GLYATL2: variants seen among roughly 807,000 people sequenced by gnomAD.
GLYATL2 encodes glycine N-acyltransferase-like protein 2.
Under a neutral mutation model 21.4 loss-of-function variants are expected in GLYATL2, and 25 were observed. The ratio of observed to expected loss-of-function variants is 1.17; its 90% confidence interval spans 0.85 to 1.63. The LOEUF is 1.63. Ranked by LOEUF, GLYATL2 falls within the 40% of genes most tolerant of loss-of-function variation. The pLI is 0.00. For missense variants in GLYATL2, 361 were observed against 343.3 expected, an observed-to-expected ratio of 1.05 and a Z score of -0.41; for synonymous variants, 114 against 118.2, an observed-to-expected ratio of 0.96 and a Z score of 0.23.
At chr11:58,880,376 G>A (rs1854311840) in intron 1 of GLYATL2, among the ~76,000 whole-genome samples, 1 of 152,172 alleles carries the variant, frequency 6.6e-6, no homozygotes, top group Non-Finnish European at 1.5e-5. Flanking sequence ...GTAGGGAATG[G>A]ATAGGAGAGG....
At chr11:58,878,276 T>C (rs1247661671) in intron 1 of GLYATL2, 5 of 447,048 alleles carry the variant, frequency 1.1e-5, no homozygotes, top group Non-Finnish European at 2.0e-5. Context: ...AGAAGCAGGA[T>C]CTGAAGTGGA....
intron 1 of GLYATL2, among the ~76,000 whole-genome samples, chr11:58,896,029 T>A (rs187124652): frequency 1.3e-3 from 195 of 152,266 alleles, no homozygotes; most frequent in African/African-American, 4.2e-3. Context: ...ATTTGTTTCA[T>A]ATTTTTTTAG....
intron 1 of GLYATL2, among the ~76,000 whole-genome samples, chr11:58,863,779 T>G (rs559199100): frequency 7.4e-4 from 113 of 152,230 alleles, no homozygotes; most frequent in African/African-American, 2.7e-3. Context: ...GTCCTAGGAC[T>G]GTAGGAACTG....
At chr11:58,856,125 CTCTG>C (rs1008294701) in intron 1 of GLYATL2, among the ~76,000 whole-genome samples, 36 of 150,354 alleles carry the variant, frequency 2.4e-4, no homozygotes, top group African/African-American at 6.8e-4. Flanking sequence ...CAGAGTGAAA[CTCTG>C]TCTAAAAGAA....
At chr11:58,842,242 C>G (rs1442868402) in intron 1 of GLYATL2, among the ~76,000 whole-genome samples, 1 of 152,076 alleles carries the variant, frequency 6.6e-6, no homozygotes, top group Non-Finnish European at 1.5e-5. Context: ...TGGAAGAATA[C>G]TTCTTTCAGT....
rs1224692332 is a variant in GLYATL2, at chr11:58,868,751, C to T, written n.61-30383G>A. On this transcript the variant is annotated intron_variant and non_coding_transcript_variant, in intron 1 of 4. Transcript: ENST00000533636. ...TGAGTTCCCTCTCTTTGGGGCCAGC[C>T]GCAGCTGGCCTTAACCATGTTCCTG... 3.4e-5 allele frequency among the ~76,000 whole-genome samples: 5 copies of T among 149,092 alleles called. 1 individual carries two copies. Among genetic ancestry groups the T allele is most frequent in the Non-Finnish European group, 6.0e-5 (4 of 67,128 alleles).
chr11:58,896,264 T>C (rs1224269919), intron 1 of GLYATL2, among the ~76,000 whole-genome samples: 1 of 152,160 alleles, frequency 6.6e-6, no homozygotes, highest in Non-Finnish European at 1.5e-5. Flanking sequence ...TCTTCATGCA[T>C]CACCTAAATG....
At chr11:58,893,672 T>C (rs1309907110) in intron 1 of GLYATL2, among the ~76,000 whole-genome samples, 1 of 152,142 alleles carries the variant, frequency 6.6e-6, no homozygotes, top group Non-Finnish European at 1.5e-5. Flanking sequence ...ATATAGTCTT[T>C]GAATATGCAT....
chr11:58,860,530 C>T (rs1282807165), intron 1 of GLYATL2, among the ~76,000 whole-genome samples: 1 of 152,054 alleles, frequency 6.6e-6, no homozygotes, highest in Admixed American at 6.5e-5. Context: ...ATATGTAGGA[C>T]CATGCTATAT....
chr11:58,858,140 C>T (rs753213880), intron 1 of GLYATL2, among the ~76,000 whole-genome samples: 6 of 152,042 alleles, frequency 3.9e-5, no homozygotes, highest in African/African-American at 7.2e-5. Context: ...GTGAGTGGCT[C>T]CACAAGTACC....
chr11:58,873,819 T>C (rs1004716963), intron 1 of GLYATL2, among the ~76,000 whole-genome samples: 1 of 152,176 alleles, frequency 6.6e-6, no homozygotes, highest in Non-Finnish European at 1.5e-5. Context: ...TTAGGGAGGA[T>C]TCTCTGTTTT....
chr11:58,879,065 A>T (rs1854287548), intron 1 of GLYATL2, among the ~76,000 whole-genome samples: 1 of 152,176 alleles, frequency 6.6e-6, no homozygotes, highest in Non-Finnish European at 1.5e-5. Context: ...CCTCTACCTT[A>T]TAAAAGGGGA....
intron 1 of GLYATL2, among the ~76,000 whole-genome samples, chr11:58,876,327 T>G (rs1336939398): frequency 6.6e-6 from 1 of 152,236 alleles, no homozygotes; most frequent in Non-Finnish European, 1.5e-5. Context: ...GTCCCATTGC[T>G]GGTGAGGAGC....
chr11:58,848,013 T>A (rs1853674029), upstream of GLYATL2, among the ~76,000 whole-genome samples: 1 of 150,766 alleles, frequency 6.6e-6, no homozygotes, highest in Non-Finnish European at 1.5e-5. Context: ...TTTTTTTTTT[T>A]TTTTTTTGAG....
At chr11:58,873,614 C>A (rs1854167175) in intron 1 of GLYATL2, among the ~76,000 whole-genome samples, 1 of 152,162 alleles carries the variant, frequency 6.6e-6, no homozygotes. Context: ...GTTGAACCAG[C>A]CTTGCATCCC....
At chr11:58,905,880 T>A (rs114099931), upstream of GLYATL2, among the ~76,000 whole-genome samples, 1,677 of 152,296 alleles carry the variant, frequency 0.011, 38 homozygotes, top group African/African-American at 0.038. Flanking sequence ...GCTTCCAAAG[T>A]GGATGAGAGG....
At chr11:58,851,542 AC>A (rs762836756) in intron 1 of GLYATL2, among the ~76,000 whole-genome samples, 50 of 136,066 alleles carry the variant, frequency 3.7e-4, no homozygotes, top group Non-Finnish European at 7.1e-4. Flanking sequence ...CTCTGTACCC[AC>A]AAAAATTAAA....
intron 1 of GLYATL2, among the ~76,000 whole-genome samples, chr11:58,857,536 G>A (rs1478361571): frequency 6.6e-6 from 1 of 152,128 alleles, no homozygotes; most frequent in Non-Finnish European, 1.5e-5. Flanking sequence ...GCAGAGCCCA[G>A]AGCGGGAACC....
intron 1 of GLYATL2, among the ~76,000 whole-genome samples, chr11:58,889,436 CA>C (rs942493252): frequency 3.6e-4 from 55 of 152,042 alleles, no homozygotes; most frequent in African/African-American, 1.3e-3. Context: ...TATCAACTAA[CA>C]AAAATAATAG....
Sources: allele counts gnomAD v4.1 joint callset (sites outside exome capture counted in the v4.1 genomes callset), GRCh38; gene constraint gnomAD v4.1.1; transcripts MANE v1.5; gene names NCBI Gene and HGNC (gene_info 2026-07-23, HGNC 2026-07-21).